The following FOXP2 variants were observed in gnomAD, a reference collection of about 807,000 sequenced individuals.
The protein encoded by FOXP2 is forkhead box P2.
A neutral mutation model predicts 115.8 loss-of-function variants in FOXP2; 12 were observed. That is an observed-to-expected ratio of 0.10 (90% CI 0.07 to 0.17). The LOEUF (loss-of-function observed/expected upper bound fraction) is 0.17. Ranked by LOEUF, FOXP2 falls within the 10% of genes least tolerant of loss-of-function variation. The pLI, the probability that FOXP2 is intolerant of heterozygous loss-of-function variation, is 1.00. For missense variants in FOXP2, 629 were observed against 843.5 expected (o/e 0.75, Z 3.15); for synonymous variants, 328 against 297.7 (o/e 1.10, Z -1.05).
intron 2 of FOXP2, among the ~76,000 whole-genome samples, chr7:114,476,636 T>A (rs1796278692): frequency 6.6e-6 from 1 of 151,942 alleles, no homozygotes; most frequent in Non-Finnish European, 1.5e-5. Context: ...ATTTTAGAAT[T>A]TTTTTTCTAA....
intron 2 of FOXP2, among the ~76,000 whole-genome samples, chr7:114,291,825 A>T (rs1297836535): frequency 6.9e-6 from 1 of 144,400 alleles, no homozygotes; most frequent in Non-Finnish European, 1.5e-5. Context: ...TATATATAAT[A>T]CATATATAAT....
At chr7:114,259,487 A>G in intron 1 of FOXP2, among the ~76,000 whole-genome samples, 1 of 152,188 alleles carries the variant, frequency 6.6e-6, no homozygotes, top group East Asian at 1.9e-4. Flanking sequence ...TCAGAGAAAG[A>G]TGTTTGAGTC....
intron 1 of FOXP2, among the ~76,000 whole-genome samples, chr7:114,167,176 C>A (rs1793004832): frequency 2.6e-5 from 4 of 152,186 alleles, no homozygotes; most frequent in Admixed American, 2.6e-4. Context: ...CTTGGTTAAA[C>A]ATCCCAGATG....
At chr7:114,571,051 C>T (rs1173713432) in intron 3 of FOXP2, among the ~76,000 whole-genome samples, 1 of 151,878 alleles carries the variant, frequency 6.6e-6, no homozygotes, top group African/African-American at 2.4e-5. Context: ...TTTTCTCTTG[C>T]TTCTTTTGTT....
At chr7:114,525,995 A>C (rs1014768978) in intron 2 of FOXP2, among the ~76,000 whole-genome samples, 4 of 151,398 alleles carry the variant, frequency 2.6e-5, no homozygotes, top group African/African-American at 7.3e-5. Flanking sequence ...ACCTCTAATC[A>C]CAGCTACTTG....
At chr7:114,389,447 A>G (rs1396874976) in intron 2 of FOXP2, among the ~76,000 whole-genome samples, 1 of 152,232 alleles carries the variant, frequency 6.6e-6, no homozygotes, top group Non-Finnish European at 1.5e-5. Flanking sequence ...ATCAATAGAC[A>G]AATTTTAAGG....
At position 114,690,754 on chromosome 7, in the gene FOXP2, G is replaced by C. The variant is rs1808623600; in HGVS notation, c.*828G>C. 2 of 454,476 alleles carry C rather than the reference G, an allele frequency of 4.4e-6. No individual in the cohort carries two copies. The highest frequency in any genetic ancestry group is 2.0e-5 in the African/African-American group (1 of 50,106). The allele number at this position is 454,476 out of a possible 1,614,324, so 28.2% of individuals were successfully genotyped here. On this transcript the variant is annotated 3_prime_UTR_variant, in exon 17 of 17. Coordinates refer to ENST00000350908, the MANE Select transcript of FOXP2 (RefSeq NM_014491.4). ...TCAAAGGCTACAGCTGCAAACCAAA[G>C]CCAACTCTAACCATGGCCAAGAGCT...
intron 3 of FOXP2, among the ~76,000 whole-genome samples, chr7:114,549,535 G>A (rs1005858386): frequency 6.6e-6 from 1 of 152,132 alleles, no homozygotes; most frequent in Admixed American, 6.5e-5. Flanking sequence ...ATGTGACTCT[G>A]CCCAGCCAAA....
In FOXP2 at chr7:114,679,126, G is replaced by A. The variant is rs907871086; in HGVS notation, c.2004-10656G>A. On this transcript the variant is annotated intron_variant, in intron 16 of 16. Transcript: ENST00000350908. Reference sequence around the variant, plus strand: ...ATCATAGGCACCCGCCACCATGCCCGGCTAATTTTTATATTTTTAGCAGAG... The same window carrying A: ...ATCATAGGCACCCGCCACCATGCCCAGCTAATTTTTATATTTTTAGCAGAG... 4.6e-5 allele frequency among the ~76,000 whole-genome samples: 7 copies of A among 152,024 alleles called. No individual in the cohort carries two copies. The East Asian group carries it at 7.8e-4, about 17-fold the overall frequency.
intron 3 of FOXP2, among the ~76,000 whole-genome samples, chr7:114,609,639 C>T (rs1436330125): frequency 2.0e-5 from 3 of 152,092 alleles, no homozygotes; most frequent in Non-Finnish European, 2.9e-5. Flanking sequence ...TCTTTTGAGC[C>T]TTCAATTTTA....
intron 2 of FOXP2, among the ~76,000 whole-genome samples, chr7:114,355,131 C>T (rs1791589887): frequency 6.6e-6 from 1 of 151,992 alleles, no homozygotes; most frequent in Non-Finnish European, 1.5e-5. Context: ...CAGATGCAGC[C>T]CTTCTCACCT....
chr7:114,661,018 T>G (rs1287403337), intron 13 of FOXP2, among the ~76,000 whole-genome samples: 2 of 151,486 alleles, frequency 1.3e-5, no homozygotes, highest in African/African-American at 4.9e-5. Flanking sequence ...AATCAAATCC[T>G]TGGATTTCAG....
At chr7:114,248,415 A>G (rs560832964) in intron 1 of FOXP2, among the ~76,000 whole-genome samples, 8 of 152,302 alleles carry the variant, frequency 5.3e-5, no homozygotes, top group Admixed American at 5.2e-4. Flanking sequence ...GGCCCAGTCA[A>G]GTTGACACTT....
At chr7:114,485,860 A>G (rs1424377988) in intron 2 of FOXP2, among the ~76,000 whole-genome samples, 1 of 152,190 alleles carries the variant, frequency 6.6e-6, no homozygotes, top group Non-Finnish European at 1.5e-5. Flanking sequence ...TTCCAAGTTG[A>G]GAAAGCTAAT....
chr7:114,596,948 A>G lies in FOXP2; in HGVS notation c.259-31592A>G, dbSNP rs147329765. ...CTCATTAGTGACTTTTCTTTATTGTACTGTAATGTAATCACAGACACTAAA... is the reference window on the plus strand; with the variant it reads ...CTCATTAGTGACTTTTCTTTATTGTGCTGTAATGTAATCACAGACACTAAA... On this transcript the variant is annotated intron_variant, in intron 3 of 16. Coordinates refer to ENST00000350908, the MANE Select transcript of FOXP2 (RefSeq NM_014491.4). 1.1e-3 allele frequency among the ~76,000 whole-genome samples: 161 copies of G among 152,176 alleles called. 1 individual carries two copies. Among genetic ancestry groups the G allele is most frequent in the African/African-American group, 3.7e-3 (152 of 41,536 alleles).
chr7:114,201,654 A>C (rs987823352), intron 1 of FOXP2, among the ~76,000 whole-genome samples: 5 of 152,174 alleles, frequency 3.3e-5, no homozygotes, highest in Non-Finnish European at 5.9e-5. Flanking sequence ...CTTTGATTTA[A>C]AGCATGTCTA....
chr7:114,177,406 A>G (rs1199403199), intron 1 of FOXP2, among the ~76,000 whole-genome samples: 1 of 151,418 alleles, frequency 6.6e-6, no homozygotes, highest in Non-Finnish European at 1.5e-5. Context: ...TGTCTTTTTT[A>G]TTTTTGTCTT....
intron 1 of FOXP2, among the ~76,000 whole-genome samples, chr7:114,177,611 A>C (rs1793349871): frequency 6.6e-6 from 1 of 151,962 alleles, no homozygotes; most frequent in Non-Finnish European, 1.5e-5. Flanking sequence ...AGTTTCTTTA[A>C]GATTATAACT....
At chr7:114,634,751 T>C (rs1452308230) in intron 6 of FOXP2, among the ~76,000 whole-genome samples, 2 of 152,070 alleles carry the variant, frequency 1.3e-5, no homozygotes, top group Admixed American at 6.6e-5. Flanking sequence ...ATATATTATC[T>C]AGTAATGAAA....
Sources: allele counts gnomAD v4.1 joint callset (sites outside exome capture counted in the v4.1 genomes callset), GRCh38; gene constraint gnomAD v4.1.1; transcripts MANE v1.5; gene names NCBI Gene and HGNC (gene_info 2026-07-23, HGNC 2026-07-21).